Variants in EXOC4 observed in about 807,000 individuals in gnomAD.
EXOC4 encodes the protein SEC8-like 1.
A neutral mutation model predicts 107.2 loss-of-function variants in EXOC4; 71 were observed. That is an observed-to-expected ratio of 0.66 (90% CI 0.55 to 0.81). The LOEUF (loss-of-function observed/expected upper bound fraction) is 0.81, where lower values mean the gene tolerates loss of function less well. EXOC4 is among the 30% of genes least tolerant of loss of function. The pLI is 0.00. For synonymous variants in EXOC4, 456 were observed against 441.2 expected (o/e 1.03, Z -0.42); for missense variants, 1,108 against 1,189.6 (o/e 0.93, Z 1.01).
intron 7 of EXOC4, among the ~76,000 whole-genome samples, chr7:133,386,513 G>C (rs974730741): frequency 6.6e-6 from 1 of 152,150 alleles, no homozygotes; most frequent in African/African-American, 2.4e-5. Flanking sequence ...ACTGAGTACT[G>C]CATTCTGGTA....
intron 17 of EXOC4, among the ~76,000 whole-genome samples, chr7:134,040,483 T>C (rs2116524758): frequency 6.6e-6 from 1 of 152,286 alleles, no homozygotes; most frequent in Admixed American, 6.5e-5. Flanking sequence ...TCTGGAATAA[T>C]TGACTGCTCC....
chr7:133,745,298 C>T (rs551628595), intron 10 of EXOC4, among the ~76,000 whole-genome samples: 1 of 152,250 alleles, frequency 6.6e-6, no homozygotes, highest in East Asian at 1.9e-4. Flanking sequence ...AGAGCTTACA[C>T]TCGAGTACAG....
chr7:133,338,623 A>AAAT (rs1491383032), intron 5 of EXOC4, among the ~76,000 whole-genome samples: 1 of 96,440 alleles, frequency 1.0e-5, no homozygotes, highest in African/African-American at 4.0e-5. Flanking sequence ...AAAAAAAAAA[A>AAAT]TTTTTATTTC....
chr7:133,291,709 A>AT (rs1794409909), intron 3 of EXOC4, among the ~76,000 whole-genome samples: 1 of 151,470 alleles, frequency 6.6e-6, no homozygotes, highest in Admixed American at 6.6e-5. Context: ...ATGCAAGAAA[A>AT]TTTTTTTTCC....
At chr7:133,643,117 T>C (rs574257585) in intron 10 of EXOC4, among the ~76,000 whole-genome samples, 33 of 152,288 alleles carry the variant, frequency 2.2e-4, no homozygotes, top group African/African-American at 7.9e-4. Context: ...ACAGGTGTTA[T>C]TTGATGTATT....
At chr7:133,822,117 C>T (rs1797535922) in intron 11 of EXOC4, among the ~76,000 whole-genome samples, 1 of 152,184 alleles carries the variant, frequency 6.6e-6, no homozygotes, top group African/African-American at 2.4e-5. Context: ...TGGCCTCCAC[C>T]TGTTGCAAGG....
At chr7:133,647,086 C>T (rs180959203) in intron 10 of EXOC4, among the ~76,000 whole-genome samples, 1 of 152,258 alleles carries the variant, frequency 6.6e-6, no homozygotes, top group Non-Finnish European at 1.5e-5. Context: ...ATCCAGTTTG[C>T]CACTAAATGT....
At chr7:133,261,504 G>T (rs1038744537) in intron 1 of EXOC4, among the ~76,000 whole-genome samples, 5 of 151,964 alleles carry the variant, frequency 3.3e-5, no homozygotes, top group Non-Finnish European at 7.4e-5. Context: ...CAAGCAATCC[G>T]CAGGCCTCAG....
chr7:134,010,677 C>G lies in EXOC4; in HGVS notation c.2687+2842C>G, dbSNP rs923273641. Among the ~76,000 whole-genome samples, 3 of 152,198 alleles carry G rather than the reference C, an allele frequency of 2.0e-5. No individual in the cohort carries two copies. The East Asian group carries it at 5.8e-4, about 29-fold the overall frequency. On this transcript the variant is annotated intron_variant, in intron 17 of 17. Transcript: ENST00000253861. Reference sequence around the variant, plus strand: ...TCAAGCATGGACAGCATCTGTATTTCCAGCAAATCTCTATAGGAATGTTAT... The same window carrying G: ...TCAAGCATGGACAGCATCTGTATTTGCAGCAAATCTCTATAGGAATGTTAT...
intron 10 of EXOC4, among the ~76,000 whole-genome samples, chr7:133,767,139 C>T (rs1476426785): frequency 1.3e-5 from 2 of 151,742 alleles, no homozygotes; most frequent in Non-Finnish European, 2.9e-5. Context: ...AAAACTACTT[C>T]CTCTCTCTGA....
intron 9 of EXOC4, among the ~76,000 whole-genome samples, chr7:133,501,188 C>G (rs920232955): frequency 6.6e-6 from 1 of 152,096 alleles, no homozygotes; most frequent in Non-Finnish European, 1.5e-5. Context: ...TTTGTAAGTT[C>G]TGAATAAATC....
chr7:133,509,734 T>C (rs1229769868), intron 9 of EXOC4, among the ~76,000 whole-genome samples: 1 of 152,204 alleles, frequency 6.6e-6, no homozygotes, highest in Non-Finnish European at 1.5e-5. Context: ...TATTTGGATT[T>C]TCTGTTATTT....
At chr7:133,918,418 G>T (rs535458510) in intron 13 of EXOC4, among the ~76,000 whole-genome samples, 1 of 152,224 alleles carries the variant, frequency 6.6e-6, no homozygotes, top group African/African-American at 2.4e-5. Flanking sequence ...ATAAATTTCT[G>T]TCCATACAGA....
intron 9 of EXOC4, among the ~76,000 whole-genome samples, chr7:133,585,081 A>G (rs567960247): frequency 3.7e-4 from 57 of 152,204 alleles, no homozygotes; most frequent in East Asian, 1.4e-3. Flanking sequence ...GTGATATTCA[A>G]TTTTCCTGAA....
chr7:133,532,007 C>G (rs1412900044), intron 9 of EXOC4, among the ~76,000 whole-genome samples: 2 of 151,958 alleles, frequency 1.3e-5, no homozygotes, highest in African/African-American at 2.4e-5. Context: ...TATACATAGC[C>G]TGAAGAAATT....
intron 11 of EXOC4, among the ~76,000 whole-genome samples, chr7:133,831,603 A>T (rs756484141): frequency 2.0e-5 from 3 of 151,622 alleles, no homozygotes; most frequent in Non-Finnish European, 4.4e-5. Flanking sequence ...TGGCACTACA[A>T]GGTGCTCCTG....
chr7:133,295,453 T>G (rs976804394), intron 3 of EXOC4, among the ~76,000 whole-genome samples: 2 of 152,132 alleles, frequency 1.3e-5, no homozygotes, highest in South Asian at 2.1e-4. Context: ...AGCAATGTAA[T>G]TTGTTGGTAA....
intron 10 of EXOC4, among the ~76,000 whole-genome samples, chr7:133,683,284 A>G (rs1171647576): frequency 3.9e-5 from 6 of 152,192 alleles, no homozygotes; most frequent in Admixed American, 3.9e-4. Context: ...TTTCAAAGAT[A>G]GCACTCCTTG....
chr7:134,011,336 C>A (rs1794757625), intron 17 of EXOC4, among the ~76,000 whole-genome samples: 1 of 152,064 alleles, frequency 6.6e-6, no homozygotes, highest in African/African-American at 2.4e-5. Flanking sequence ...CGCCATTGTT[C>A]AAAAAGAATA....
Sources: allele counts gnomAD v4.1 joint callset (sites outside exome capture counted in the v4.1 genomes callset), GRCh38; gene constraint gnomAD v4.1.1; transcripts MANE v1.5; gene names NCBI Gene and HGNC (gene_info 2026-07-23, HGNC 2026-07-21).